The following ERICH3 variants were observed in gnomAD, a reference collection of about 807,000 sequenced individuals.
ERICH3 encodes glutamate rich 3.
A neutral mutation model predicts 131.1 loss-of-function variants in ERICH3; 126 were observed. The observed-to-expected ratio is 0.96, with a 90% CI of 0.83 to 1.11. ERICH3 has a LOEUF of 1.11. Ranked by LOEUF, ERICH3 falls within the 50% of genes most tolerant of loss-of-function variation. The probability of loss-of-function intolerance (pLI) is 0.00; values close to 1 mark genes in which losing one functional copy is unlikely to be tolerated. For synonymous variants in ERICH3, 695 were observed against 644.6 expected (o/e 1.08, Z -1.18); for missense variants, 2,050 against 1,810.7 (o/e 1.13, Z -2.40).
rs982362368 is a variant in ERICH3 at position 74,577,078 on chromosome 1, G to C, written c.2177-142C>G. 2.0e-5 allele frequency: 13 copies of C among 649,726 alleles called. No individual in the cohort carries two copies. The African/African-American group carries it at 2.2e-4, about 11-fold the overall frequency. 40.2% of individuals were successfully genotyped at this position (649,726 alleles called of 1,614,324 possible). On this transcript the variant is annotated intron_variant, in intron 12 of 14. Coordinates refer to ENST00000326665, the MANE Select transcript of ERICH3 (RefSeq NM_001002912.5). ...TCTGGGAGGCAGGCTATTGAAAGAAGACTGATCTGAAAATTCCTACCAGTA... is the reference window on the plus strand; with the variant it reads ...TCTGGGAGGCAGGCTATTGAAAGAACACTGATCTGAAAATTCCTACCAGTA...
At chr1:74,620,284 A>G (rs775374451) in intron 8 of ERICH3, among the ~76,000 whole-genome samples, 37 of 152,152 alleles carry the variant, frequency 2.4e-4, no homozygotes, top group Admixed American at 2.6e-4. Context: ...ATTCTCCACC[A>G]AGTTATTTAG....
rs773998177 is a variant in ERICH3, at chr1:74,571,683, G to C, written c.4027C>G (p.Leu1343Val). Residue 1343 changes from leucine to valine, a missense_variant, in exon 14 of 15, where the codon CTA becomes GTA. Leu to Val is a conservative substitution (Grantham distance 32, BLOSUM62 1). Coordinates refer to ENST00000326665, the MANE Select transcript of ERICH3 (RefSeq NM_001002912.5). ...TCTGCCGTTTCACCACCTCCGTGTAGAACTTCCACAGCCACAACCCTTCCT... is the reference window on the plus strand; with the variant it reads ...TCTGCCGTTTCACCACCTCCGTGTACAACTTCCACAGCCACAACCCTTCCT... The part of the protein sequence containing the change: ...GGGRVVAVEV[L>V]HGGGETAETA... 9 of 1,614,026 alleles carry C rather than the reference G, an allele frequency of 5.6e-6. No homozygotes were observed. The highest frequency in any genetic ancestry group is 6.8e-6 in the Non-Finnish European group (8 of 1,180,002).
At chr1:74,603,642 C>T (rs1004351565) in intron 10 of ERICH3, among the ~76,000 whole-genome samples, 6 of 151,756 alleles carry the variant, frequency 4.0e-5, no homozygotes, top group African/African-American at 1.5e-4. Flanking sequence ...CAGTTCCAGG[C>T]CATTGCAATA....
At position 74,606,777 on chromosome 1, in the gene ERICH3, A is replaced by G. The variant is rs567858555; in HGVS notation, c.1313T>C (p.Val438Ala). ...CTTGATCTCATTTCTTTTTGGTATC[A>G]CATACTCTCTCTCTTTCCTCACTTT... ...EGKVRKEREYVIPKRNEIKEN... is the reference protein window; with the variant it reads ...EGKVRKEREYAIPKRNEIKEN... The change falls in exon 10 of 15, where the codon GTG becomes GCG. Residue 438 changes from valine to alanine, a missense_variant. Coordinates refer to ENST00000326665, the MANE Select transcript of ERICH3 (RefSeq NM_001002912.5). The G allele has an allele frequency of 1.2e-6, 2 of 1,613,362 alleles. No homozygotes were observed. Among genetic ancestry groups the G allele is most frequent in the African/African-American group, 2.7e-5 (2 of 74,946 alleles).
At chr1:74,613,483 T>C (rs988080053) in intron 8 of ERICH3, among the ~76,000 whole-genome samples, 4 of 152,204 alleles carry the variant, frequency 2.6e-5, no homozygotes, top group Non-Finnish European at 4.4e-5. Flanking sequence ...ATGCTATCTA[T>C]TGATAAAGCA....
At position 74,572,752 on chromosome 1, in the gene ERICH3, C is replaced by G; in HGVS notation, c.2958G>C (p.Glu986Asp). ...TCAAGCGTGTTTCTGTTCTCATAACCTCTTTTCTCTCTTTGGCTGGTTCCT... is the reference window on the plus strand; with the variant it reads ...TCAAGCGTGTTTCTGTTCTCATAACGTCTTTTCTCTCTTTGGCTGGTTCCT... The part of the protein sequence containing the change: ...GGEEPAKERK[E>D]VMRTETRLSP... Residue 986 changes from glutamate (E) to aspartate (D), a missense_variant, in exon 14 of 15, where the codon GAG becomes GAC. By Grantham distance (45) the Glu-to-Asp change is conservative. Transcript: ENST00000326665. 1 of 1,613,924 alleles carries G rather than the reference C, an allele frequency of 6.2e-7. No homozygotes were observed. Among genetic ancestry groups the G allele is most frequent in the East Asian group, 2.2e-5 (1 of 44,836 alleles).
At chr1:74,604,252 T>A (rs1037075769) in intron 10 of ERICH3, among the ~76,000 whole-genome samples, 3 of 152,014 alleles carry the variant, frequency 2.0e-5, no homozygotes, top group African/African-American at 7.2e-5. Flanking sequence ...TTCAATCTCA[T>A]CTTAGGCCCC....
At chr1:74,663,694 G>T (rs1286429980) in intron 1 of ERICH3, among the ~76,000 whole-genome samples, 1 of 149,404 alleles carries the variant, frequency 6.7e-6, no homozygotes, top group Admixed American at 6.7e-5. Flanking sequence ...GGTTTGATAA[G>T]AATATAATGC....
At chr1:74,658,380 G>A (rs2100651187) in intron 1 of ERICH3, among the ~76,000 whole-genome samples, 1 of 152,260 alleles carries the variant, frequency 6.6e-6, no homozygotes, top group East Asian at 1.9e-4. Context: ...AAGGAAAAGA[G>A]AGGAAGCAGC....
intron 1 of ERICH3, among the ~76,000 whole-genome samples, chr1:74,660,568 T>C (rs1184895760): frequency 1.3e-5 from 2 of 149,020 alleles, no homozygotes; most frequent in African/African-American, 4.9e-5. Context: ...TCAATATACA[T>C]GTGTGCACAC....
intron 9 of ERICH3, among the ~76,000 whole-genome samples, chr1:74,607,516 T>C (rs187669282): frequency 6.6e-6 from 1 of 152,136 alleles, no homozygotes; most frequent in Non-Finnish European, 1.5e-5. Flanking sequence ...ATCTTTTAAG[T>C]GAATAACTCA....
intron 7 of ERICH3, chr1:74,622,646 T>C (rs1046236367): frequency 1.1e-4 from 17 of 152,208 alleles, no homozygotes; most frequent in African/African-American, 3.4e-4. Flanking sequence ...TGAAGCAGCA[T>C]GGATTTAGAG....
chr1:74,620,837 G>A lies in ERICH3; in HGVS notation c.897C>T (p.His299=), dbSNP rs143318913. ...GGAAGTCAGGATTATCAGAAGATAGGTGCACATTTTTCCCCAAATAGATCA... is the reference window on the plus strand; with the variant it reads ...GGAAGTCAGGATTATCAGAAGATAGATGCACATTTTTCCCCAAATAGATCA... ...ITMIYLGKNV[H]LSSDNPDFRD... Residue 299 remains histidine (H), a synonymous_variant, in exon 8 of 15, where the codon CAC becomes CAT. Coordinates refer to ENST00000326665, the MANE Select transcript of ERICH3 (RefSeq NM_001002912.5). The A allele has an allele frequency of 3.4e-5, 55 of 1,612,922 alleles. No homozygotes were observed. In the African/African-American group the frequency reaches 6.9e-4, roughly 20 times the overall value.
intron 11 of ERICH3, among the ~76,000 whole-genome samples, chr1:74,594,821 C>T (rs753110621): frequency 1.3e-5 from 2 of 152,090 alleles, no homozygotes; most frequent in African/African-American, 2.4e-5. Context: ...TAGCAAGGAG[C>T]ATAATTTTAC....
At chr1:74,579,511 G>C (rs1450490565) in intron 12 of ERICH3, 6 of 985,270 alleles carry the variant, frequency 6.1e-6, no homozygotes, top group Middle Eastern at 5.2e-4. Context: ...AAGTAGATGA[G>C]AGCCTGTATA....
intron 7 of ERICH3, chr1:74,623,648 C>A: frequency 6.6e-6 from 1 of 152,072 alleles, no homozygotes; most frequent in East Asian, 1.9e-4. Context: ...ACGAATTAGT[C>A]TCCCCACTTC....
rs1646312909 is a variant in ERICH3, at chr1:74,630,570, G to C, written c.819+1143C>G. On this transcript the variant is annotated intron_variant, in intron 7 of 14. Transcript: ENST00000326665. Reference sequence around the variant, plus strand: ...GAGCAAGAATATTGTTGTAAGTTGAGTTGCCTGGGGTTGTTAGACTAAGCT... The same window carrying C: ...GAGCAAGAATATTGTTGTAAGTTGACTTGCCTGGGGTTGTTAGACTAAGCT... Among the ~76,000 whole-genome samples the C allele has an allele frequency of 3.9e-5, 6 of 152,266 alleles. No individual in the cohort carries two copies. The South Asian group carries it at 1.0e-3, about 26-fold the overall frequency.
At chr1:74,577,172 T>G in intron 12 of ERICH3, 3 of 398,820 alleles carry the variant, frequency 7.5e-6, no homozygotes, top group Non-Finnish European at 1.3e-5. Flanking sequence ...AATAAATTTA[T>G]ACCTGATGTT....
intron 10 of ERICH3, among the ~76,000 whole-genome samples, chr1:74,600,766 G>T (rs78124544): frequency 0.029 from 4,370 of 151,890 alleles, 216 homozygotes; most frequent in African/African-American, 0.1. Context: ...GTGACAACAT[G>T]CCAAGGATAG....
Sources: gnomAD v4.1 joint callset for allele counts (sites outside exome capture counted in the v4.1 genomes callset) on GRCh38, gnomAD v4.1.1 for gene constraint, MANE v1.5 for transcripts, NCBI Gene and HGNC (gene_info 2026-07-23, HGNC 2026-07-21) for gene names.